GPC5: variants seen among roughly 807,000 people sequenced by gnomAD.
GPC5 encodes the protein glypican 5.
In GPC5, 47 loss-of-function variants were observed where a neutral mutation model predicts 53.9. The ratio of observed to expected loss-of-function variants is 0.87; its 90% CI spans 0.69 to 1.11. GPC5 has a LOEUF of 1.11. Ranked by LOEUF, GPC5 falls within the 50% of genes most tolerant of loss-of-function variation. The pLI is 0.00. For missense variants in GPC5, 748 were observed against 713.1 expected, an observed-to-expected ratio of 1.05 and a Z score of -0.56; for synonymous variants, 286 against 263.3, an observed-to-expected ratio of 1.09 and a Z score of -0.84.
At chr13:92,727,169 A>C (rs2139294563) in intron 7 of GPC5, among the ~76,000 whole-genome samples, 1 of 151,638 alleles carries the variant, frequency 6.6e-6, no homozygotes. Flanking sequence ...AACCACGCTA[A>C]GATAATGTAG....
intron 7 of GPC5, among the ~76,000 whole-genome samples, chr13:92,746,783 G>A (rs1209285738): frequency 6.6e-6 from 1 of 152,082 alleles, no homozygotes; most frequent in African/African-American, 2.4e-5. Flanking sequence ...CTCACAAATA[G>A]AAGGATTTGG....
chr13:91,895,698 C>G (rs1270320587), intron 5 of GPC5, among the ~76,000 whole-genome samples: 2 of 151,262 alleles, frequency 1.3e-5, no homozygotes, highest in Non-Finnish European at 2.9e-5. Flanking sequence ...TGACAAACTG[C>G]ACAAATGAGA....
chr13:92,764,143 C>G (rs1248328088), intron 7 of GPC5, among the ~76,000 whole-genome samples: 2 of 152,192 alleles, frequency 1.3e-5, no homozygotes, highest in Non-Finnish European at 2.9e-5. Flanking sequence ...AGGCAATGTA[C>G]TGCTTTAGCT....
chr13:91,830,096 C>G (rs1173977227), intron 5 of GPC5, among the ~76,000 whole-genome samples: 1 of 151,926 alleles, frequency 6.6e-6, no homozygotes, highest in African/African-American at 2.4e-5. Context: ...AGATGGGGGT[C>G]TATTTCACCC....
intron 6 of GPC5, among the ~76,000 whole-genome samples, chr13:92,089,951 A>C (rs911055714): frequency 5.3e-5 from 8 of 152,206 alleles, no homozygotes; most frequent in Non-Finnish European, 2.9e-5. Context: ...AATATCTTGC[A>C]TAAACTTGTT....
Position 92,620,785 on chromosome 13 carries a change from G to A in GPC5, c.1562-245497G>A, listed in dbSNP as rs549188683. Among the ~76,000 whole-genome samples the A allele has an allele frequency of 1.8e-4, 28 of 152,218 alleles. No homozygotes were observed. The South Asian group carries it at 4.1e-3, about 23-fold the overall frequency. ...AGTGTAAATGTTACACTTTATTGAA[G>A]GAATGGGACTCATTATAGAGGAAAT... On this transcript the variant is annotated intron_variant, in intron 7 of 7. Transcript: ENST00000377067.
At chr13:92,174,607 A>G (rs1284310831) in intron 7 of GPC5, among the ~76,000 whole-genome samples, 2 of 152,162 alleles carry the variant, frequency 1.3e-5, no homozygotes, top group Non-Finnish European at 2.9e-5. Context: ...TACTTCATTC[A>G]TACATTTATC....
At chr13:92,439,870 T>A (rs1199791078) in intron 7 of GPC5, among the ~76,000 whole-genome samples, 4 of 151,202 alleles carry the variant, frequency 2.6e-5, no homozygotes, top group African/African-American at 9.7e-5. Context: ...TTGAGGGAGT[T>A]CACACTTCTG....
intron 7 of GPC5, among the ~76,000 whole-genome samples, chr13:92,355,882 ATT>A (rs57295384): frequency 0.17 from 21,000 of 125,884 alleles, 1,425 homozygotes; most frequent in African/African-American, 0.27. Context: ...TGACCCTATC[ATT>A]TTTTTTTTTT....
chr13:92,752,629 C>T (rs1009179066), intron 7 of GPC5, among the ~76,000 whole-genome samples: 3 of 152,048 alleles, frequency 2.0e-5, no homozygotes, highest in Admixed American at 6.5e-5. Context: ...TCAGTGGGTG[C>T]GCGCACCGTG....
chr13:92,816,055 A>G (rs1877461994), intron 7 of GPC5, among the ~76,000 whole-genome samples: 1 of 151,972 alleles, frequency 6.6e-6, no homozygotes, highest in Non-Finnish European at 1.5e-5. Flanking sequence ...CATGAAGGGT[A>G]TTTAAAGCCA....
chr13:91,830,973 T>G (rs1224104965), intron 5 of GPC5, among the ~76,000 whole-genome samples: 1 of 136,354 alleles, frequency 7.3e-6, no homozygotes, highest in African/African-American at 2.7e-5. Context: ...TATTATATAT[T>G]ATATATCCTA....
intron 7 of GPC5, among the ~76,000 whole-genome samples, chr13:92,221,295 G>T (rs1032820440): frequency 6.6e-6 from 1 of 152,068 alleles, no homozygotes; most frequent in Non-Finnish European, 1.5e-5. Context: ...CTGAAAATAC[G>T]CTATAGTTCA....
intron 2 of GPC5, among the ~76,000 whole-genome samples, chr13:91,684,417 G>A (rs2035576631): frequency 6.6e-6 from 1 of 152,088 alleles, no homozygotes; most frequent in South Asian, 2.1e-4. Context: ...CAAACACGGA[G>A]CCGGCATACT....
At chr13:91,489,152 A>G (rs3848056) in intron 2 of GPC5, among the ~76,000 whole-genome samples, 8,144 of 152,264 alleles carry the variant, frequency 0.053, 256 homozygotes, top group Non-Finnish European at 0.078. Flanking sequence ...CGGTCCTGTG[A>G]TCTCACCCTG....
chr13:91,764,643 C>T (rs1309096155), intron 5 of GPC5, among the ~76,000 whole-genome samples: 1 of 152,168 alleles, frequency 6.6e-6, no homozygotes. Flanking sequence ...TCGTTTTTCC[C>T]CTCGTCCAGT....
chr13:92,203,625 C>T (rs2042310870), intron 7 of GPC5, among the ~76,000 whole-genome samples: 2 of 140,794 alleles, frequency 1.4e-5, no homozygotes, highest in African/African-American at 5.2e-5. Flanking sequence ...TACCCTAAAA[C>T]TTAGAGTATA....
chr13:92,834,851 T>C (rs1188611197), intron 7 of GPC5, among the ~76,000 whole-genome samples: 1 of 152,094 alleles, frequency 6.6e-6, no homozygotes, highest in African/African-American at 2.4e-5. Context: ...AGGGTAAAAG[T>C]TGACAAGAAT....
At chr13:92,242,300 A>G (rs1390629268) in intron 7 of GPC5, among the ~76,000 whole-genome samples, 1 of 151,906 alleles carries the variant, frequency 6.6e-6, no homozygotes. Flanking sequence ...ATTACCAGTG[A>G]TACTAAATTT....
Sources: allele counts gnomAD v4.1 joint callset (sites outside exome capture counted in the v4.1 genomes callset), GRCh38; gene constraint gnomAD v4.1.1; transcripts MANE v1.5; gene names NCBI Gene and HGNC (gene_info 2026-07-23, HGNC 2026-07-21).